Variants in RAB11FIP4 observed in about 807,000 individuals in gnomAD.
The protein encoded by RAB11FIP4 is rab11 family-interacting protein 4.
Under a neutral mutation model 74.3 loss-of-function variants are expected in RAB11FIP4, and 23 were observed. The ratio of observed to expected loss-of-function variants is 0.31; its 90% CI spans 0.22 to 0.44. The LOEUF (loss-of-function observed/expected upper bound fraction) is 0.44. Among genes scored for constraint, RAB11FIP4 ranks in the 20% least tolerant of loss-of-function variants. The pLI, the probability that RAB11FIP4 is intolerant of heterozygous loss-of-function variation, is 1.00. For synonymous variants in RAB11FIP4, 360 were observed against 359.9 expected, an observed-to-expected ratio of 1.00 and a Z score of 0.00; for missense variants, 630 against 863.9, an observed-to-expected ratio of 0.73 and a Z score of 3.39.
At chr17:31,429,865 C>T (rs1389022102) in intron 1 of RAB11FIP4, among the ~76,000 whole-genome samples, 3 of 151,232 alleles carry the variant, frequency 2.0e-5, no homozygotes, top group Non-Finnish European at 4.4e-5. Flanking sequence ...CCTTCCTCCA[C>T]TTGCCTCCTG....
chr17:31,409,531 A>G (rs187546779), intron 1 of RAB11FIP4, among the ~76,000 whole-genome samples: 1 of 152,276 alleles, frequency 6.6e-6, no homozygotes, highest in Admixed American at 6.5e-5. Flanking sequence ...ATCAGGGTGC[A>G]CTTACCAGGT....
chr17:31,479,838 A>ACT (rs1190640777), intron 3 of RAB11FIP4, among the ~76,000 whole-genome samples: 15 of 152,240 alleles, frequency 9.9e-5, no homozygotes, highest in Admixed American at 6.5e-4. Flanking sequence ...AAGCTTTGTG[A>ACT]CTATAGGTAA....
chr17:31,492,709 C>A (rs1400031216), intron 3 of RAB11FIP4, among the ~76,000 whole-genome samples: 1 of 152,154 alleles, frequency 6.6e-6, no homozygotes, highest in Non-Finnish European at 1.5e-5. Flanking sequence ...GCAGCTTCAT[C>A]ATAATACTGT....
intron 3 of RAB11FIP4, among the ~76,000 whole-genome samples, chr17:31,480,985 C>G (rs988633207): frequency 6.6e-6 from 1 of 152,066 alleles, no homozygotes; most frequent in African/African-American, 2.4e-5. Context: ...TGGTACTGAT[C>G]AAGGCTGTGT....
At chr17:31,519,413 C>T (rs1274897834) in intron 4 of RAB11FIP4, among the ~76,000 whole-genome samples, 2 of 152,130 alleles carry the variant, frequency 1.3e-5, no homozygotes, top group Admixed American at 6.6e-5. Flanking sequence ...AGTATTAAGA[C>T]CTAAGTGACT....
At chr17:31,449,790 C>G (rs890821479) in intron 3 of RAB11FIP4, among the ~76,000 whole-genome samples, 3 of 152,178 alleles carry the variant, frequency 2.0e-5, no homozygotes, top group Non-Finnish European at 2.9e-5. Context: ...GCTGCAGCCT[C>G]AAACTCCTGG....
chr17:31,434,247 A>C (rs939313407), intron 3 of RAB11FIP4, 125 bp downstream of exon 3: 3 of 759,098 alleles, frequency 4.0e-6, no homozygotes, highest in African/African-American at 3.5e-5. Context: ...CTTGAGCATC[A>C]GAGTCAAGAA....
intron 1 of RAB11FIP4, among the ~76,000 whole-genome samples, chr17:31,422,232 A>G (rs1379955320): frequency 1.3e-5 from 2 of 152,218 alleles, no homozygotes; most frequent in African/African-American, 2.4e-5. Context: ...TATGATCTAC[A>G]TGATCTACCT....
chr17:31,457,358 G>A (rs2071588551), intron 3 of RAB11FIP4, among the ~76,000 whole-genome samples: 2 of 152,020 alleles, frequency 1.3e-5, no homozygotes, highest in Non-Finnish European at 2.9e-5. Flanking sequence ...CTCTCACAGA[G>A]ATTCCAAGAA....
intron 3 of RAB11FIP4, among the ~76,000 whole-genome samples, chr17:31,436,105 A>G (rs577698886): frequency 1.3e-5 from 2 of 152,174 alleles, no homozygotes; most frequent in Admixed American, 6.5e-5. Flanking sequence ...CAGCGTGCAG[A>G]GGTGTGCAGG....
intron 3 of RAB11FIP4, among the ~76,000 whole-genome samples, chr17:31,483,441 C>T (rs1473909070): frequency 6.6e-6 from 1 of 152,078 alleles, no homozygotes; most frequent in East Asian, 1.9e-4. Context: ...GGCTCATTCC[C>T]CTGTCTGGGA....
chr17:31,410,439 T>G (rs533570859), intron 1 of RAB11FIP4, among the ~76,000 whole-genome samples: 3 of 152,138 alleles, frequency 2.0e-5, no homozygotes, highest in African/African-American at 7.2e-5. Flanking sequence ...TTGGGCTGGG[T>G]GTGGTGGCTC....
intron 3 of RAB11FIP4, among the ~76,000 whole-genome samples, chr17:31,458,117 G>A (rs1055458227): frequency 4.6e-5 from 7 of 152,222 alleles, no homozygotes; most frequent in South Asian, 2.1e-4. Flanking sequence ...CAGTTAAGAC[G>A]TGTGTCCAAG....
At chr17:31,434,223 C>T in intron 3 of RAB11FIP4, 101 bp downstream of exon 3, 1 of 904,256 alleles carries the variant, frequency 1.1e-6, no homozygotes, top group Non-Finnish European at 1.7e-6. Flanking sequence ...CAGAACCTCC[C>T]TCTGAGGACC....
At chr17:31,466,922 T>C (rs1210845789) in intron 3 of RAB11FIP4, among the ~76,000 whole-genome samples, 2 of 152,156 alleles carry the variant, frequency 1.3e-5, no homozygotes, top group Non-Finnish European at 2.9e-5. Flanking sequence ...TTTCCATTTT[T>C]CTGGACAAAT....
chr17:31,463,327 C>T (rs2071650522), intron 3 of RAB11FIP4, among the ~76,000 whole-genome samples: 1 of 152,152 alleles, frequency 6.6e-6, no homozygotes. Flanking sequence ...ATGGTAATCC[C>T]CTGCTACAGG....
intron 1 of RAB11FIP4, among the ~76,000 whole-genome samples, chr17:31,402,605 T>TATTG (rs1197146687): frequency 1.4e-5 from 2 of 144,690 alleles, no homozygotes; most frequent in Non-Finnish European, 1.5e-5. Flanking sequence ...TATTTTTATT[T>TATTG]ATTTATTTAT....
chr17:31,501,123 A>G (rs2072212524), intron 3 of RAB11FIP4, among the ~76,000 whole-genome samples: 1 of 152,224 alleles, frequency 6.6e-6, no homozygotes, highest in South Asian at 2.1e-4. Context: ...TTTGATTTCA[A>G]CAAAATATCA....
chr17:31,448,130 GT>G (rs1567659393), intron 3 of RAB11FIP4, among the ~76,000 whole-genome samples: 1 of 152,152 alleles, frequency 6.6e-6, no homozygotes, highest in Non-Finnish European at 1.5e-5. Flanking sequence ...TTTTTAAATT[GT>G]TTTGCTTTAG....
Sources: allele counts gnomAD v4.1 joint callset (sites outside exome capture counted in the v4.1 genomes callset), GRCh38; gene constraint gnomAD v4.1.1; transcripts MANE v1.5; gene names NCBI Gene and HGNC (gene_info 2026-07-23, HGNC 2026-07-21).